The following ADCY10 variants were observed in gnomAD, a reference collection of about 807,000 sequenced individuals.
ADCY10 encodes the protein adenylate cyclase type 10.
A neutral mutation model predicts 183.3 loss-of-function variants in ADCY10; 156 were observed. The ratio of observed to expected loss-of-function variants is 0.85; its 90% CI spans 0.75 to 0.97. The LOEUF (loss-of-function observed/expected upper bound fraction) is 0.97. Ranked by LOEUF, ADCY10 falls within the 50% of genes least tolerant of loss-of-function variation. The probability of loss-of-function intolerance (pLI) is 0.00; values close to 1 mark genes in which losing one functional copy is unlikely to be tolerated. For synonymous variants in ADCY10, 645 were observed against 670.0 expected (o/e 0.96, Z 0.58); for missense variants, 1,745 against 1,934.3 (o/e 0.90, Z 1.84).
intron 9 of ADCY10, among the ~76,000 whole-genome samples, chr1:167,881,323 G>A (rs547895676): frequency 6.6e-6 from 1 of 152,288 alleles, no homozygotes; most frequent in South Asian, 2.1e-4. Context: ...AAAGGGCATT[G>A]TGAATAAAGG....
intron 16 of ADCY10, among the ~76,000 whole-genome samples, chr1:167,857,374 C>T (rs1665985464): frequency 6.6e-6 from 1 of 152,148 alleles, no homozygotes; most frequent in African/African-American, 2.4e-5. Flanking sequence ...AATACTTAGC[C>T]CTTTGACTAG....
chr1:167,818,508 T>C (rs1450048165), intron 30 of ADCY10: 2 of 605,128 alleles, frequency 3.3e-6, no homozygotes, highest in South Asian at 1.5e-5. Context: ...ACTCAGGTAA[T>C]ATTAGCCACC....
At chr1:167,863,743 G>A (rs116175907) in intron 14 of ADCY10, among the ~76,000 whole-genome samples, 3,801 of 152,332 alleles carry the variant, frequency 0.025, 69 homozygotes, top group Middle Eastern at 0.051. Flanking sequence ...GGGACACCTC[G>A]CCAGAGCAGT....
intron 25 of ADCY10, among the ~76,000 whole-genome samples, chr1:167,831,383 G>A (rs1382621398): frequency 2.6e-5 from 4 of 152,060 alleles, no homozygotes; most frequent in Admixed American, 2.0e-4. Context: ...TAGTAGAGAC[G>A]GGATTTCACC....
intron 14 of ADCY10, 143 bp downstream of exon 14, chr1:167,870,114 A>T: frequency 1.1e-6 from 1 of 888,164 alleles, no homozygotes; most frequent in South Asian, 1.5e-5. Flanking sequence ...ATTGTTAGTT[A>T]TCTATTTAGC....
intron 15 of ADCY10, 37 bp downstream of exon 15, chr1:167,860,834 T>C: frequency 6.4e-7 from 1 of 1,570,404 alleles, no homozygotes; most frequent in South Asian, 1.1e-5. Context: ...TGCCTGCCCA[T>C]GGCTATTTGT....
chr1:167,844,358 T>G (rs1664852607), intron 21 of ADCY10, among the ~76,000 whole-genome samples: 1 of 152,198 alleles, frequency 6.6e-6, no homozygotes. Flanking sequence ...TGGACTAGTG[T>G]TAGTGCAGTT....
chr1:167,859,878 C>A lies in ADCY10; in HGVS notation c.1825G>T (p.Glu609Ter), dbSNP rs769982899. Residue 609 changes from glutamate to a stop codon, truncating the protein, a stop_gained, in exon 16 of 33, where the codon GAG (glutamate) becomes TAG (stop). Coordinates refer to ENST00000367851, the MANE Select transcript of ADCY10 (RefSeq NM_018417.6). LOFTEE classifies it high-confidence loss of function. ...IFHVQFPISR[E>*]ISRMSTLKKQ... ...TTCAAGGTGCTCATCCTGGAAATCT[C>A]CCGAGAAATAGGGAACTGTACAAAG... is the stretch of plus-strand genomic sequence containing the variant. The A allele has an allele frequency of 3.7e-6, 6 of 1,611,350 alleles. No individual in the cohort carries two copies. The highest frequency in any genetic ancestry group is 4.2e-6 in the Non-Finnish European group (5 of 1,177,664).
chr1:167,856,050 C>T, intron 17 of ADCY10, 115 bp downstream of exon 17: 1 of 1,204,428 alleles, frequency 8.3e-7, no homozygotes, highest in Non-Finnish European at 1.2e-6. Flanking sequence ...AAAGGTGGGG[C>T]CAGGAAAGAT....
At chr1:167,909,977 C>A (rs542150498) in intron 1 of ADCY10, among the ~76,000 whole-genome samples, 6 of 152,256 alleles carry the variant, frequency 3.9e-5, no homozygotes, top group Admixed American at 2.6e-4. Flanking sequence ...CCCATTCTAA[C>A]CACATGTGCT....
intron 7 of ADCY10, among the ~76,000 whole-genome samples, chr1:167,894,749 T>C (rs553678874): frequency 6.6e-6 from 1 of 152,088 alleles, no homozygotes; most frequent in Admixed American, 6.5e-5. Context: ...CCTGAGGGCA[T>C]TAAGGAGATC....
chr1:167,859,000 G>A (rs1238172528), intron 16 of ADCY10, among the ~76,000 whole-genome samples: 2 of 152,128 alleles, frequency 1.3e-5, no homozygotes, highest in South Asian at 2.1e-4. Context: ...GTAAATGCGG[G>A]AATGTGGGCA....
intron 17 of ADCY10, among the ~76,000 whole-genome samples, chr1:167,855,217 G>A (rs12405245): frequency 0.24 from 36,998 of 152,170 alleles, 4,645 homozygotes; most frequent in Non-Finnish European, 0.28. Context: ...CTACTCGGGA[G>A]GCTGAGGCAG....
At chr1:167,838,531 G>A (rs1255559709) in intron 21 of ADCY10, among the ~76,000 whole-genome samples, 1 of 152,152 alleles carries the variant, frequency 6.6e-6, no homozygotes, top group Non-Finnish European at 1.5e-5. Flanking sequence ...AAGGGAATTG[G>A]TTGCCTACTT....
At chr1:167,840,231 CA>C (rs112637652) in intron 21 of ADCY10, among the ~76,000 whole-genome samples, 24,482 of 135,652 alleles carry the variant, frequency 0.18, 1,981 homozygotes, top group Middle Eastern at 0.24. Context: ...GACCCTGTCT[CA>C]AAAAAAAAAA....
chr1:167,829,187 A>T, intron 26 of ADCY10, 80 bp downstream of exon 26: 3 of 1,536,384 alleles, frequency 2.0e-6, no homozygotes, highest in Non-Finnish European at 9.0e-7. Context: ...CAGAATTTTG[A>T]ATCCTAATTG....
intron 8 of ADCY10, among the ~76,000 whole-genome samples, chr1:167,889,560 T>G (rs994746101): frequency 6.6e-6 from 1 of 152,082 alleles, no homozygotes; most frequent in African/African-American, 2.4e-5. Flanking sequence ...TTTTGTCTGG[T>G]TTTGGTATCA....
intron 9 of ADCY10, among the ~76,000 whole-genome samples, chr1:167,880,829 TATAGTGAATAGGGCTGAGCTATCTGTGTG>T: frequency 6.6e-6 from 1 of 152,212 alleles, no homozygotes; most frequent in Non-Finnish European, 1.5e-5. Flanking sequence ...TTGCTCCAGA[TATAGTGAATAGGGCTGAGCTATCTGTGTG>T]CATGCTTCGG....
At chr1:167,911,402 T>A (rs547862004) in intron 1 of ADCY10, among the ~76,000 whole-genome samples, 3 of 152,288 alleles carry the variant, frequency 2.0e-5, no homozygotes, top group Non-Finnish European at 2.9e-5. Flanking sequence ...ATATTTGCCC[T>A]GGCATGCTTA....
Sources: gnomAD v4.1 joint callset for allele counts (sites outside exome capture counted in the v4.1 genomes callset) on GRCh38, gnomAD v4.1.1 for gene constraint, MANE v1.5 for transcripts, NCBI Gene and HGNC (gene_info 2026-07-23, HGNC 2026-07-21) for gene names.